The following DZIP3 variants were observed in gnomAD, a reference collection of about 807,000 sequenced individuals.
DZIP3 encodes E3 ubiquitin-protein ligase DZIP3.
A neutral mutation model predicts 162.0 loss-of-function variants in DZIP3; 118 were observed. The observed-to-expected ratio is 0.73, with a 90% CI of 0.63 to 0.85. DZIP3 has a LOEUF of 0.85. Among genes scored for constraint, DZIP3 ranks in the 40% least tolerant of loss-of-function variants. DZIP3 has a pLI of 0.00. For missense variants in DZIP3, 1,331 were observed against 1,407.0 expected (o/e 0.95, Z 0.86); for synonymous variants, 438 against 458.6 (o/e 0.96, Z 0.57).
chr3:108,618,204 G>T (rs1941119183), intron 5 of DZIP3, among the ~76,000 whole-genome samples: 1 of 152,186 alleles, frequency 6.6e-6, no homozygotes, highest in East Asian at 1.9e-4. Context: ...GGTTAGAAAT[G>T]TACAACTTGC....
rs937649622 is a variant in DZIP3 at position 108,656,641 on chromosome 3, G to A, written c.2199+2331G>A. The stretch of plus-strand genomic sequence containing the variant: ...CACCAGCAACAGAACAAACCTGGAC[G>A]GAGAATGACTTTGACGAGTTGAGAG... On this transcript the variant is annotated intron_variant, in intron 19 of 32. Transcript: ENST00000361582. 4.3e-4 allele frequency among the ~76,000 whole-genome samples: 66 copies of A among 152,288 alleles called. 1 individual carries two copies. The highest frequency in any genetic ancestry group is 2.1e-4 in the South Asian group (1 of 4,828).
chr3:108,649,309 T>C (rs979857783), intron 17 of DZIP3, among the ~76,000 whole-genome samples: 2 of 151,914 alleles, frequency 1.3e-5, no homozygotes, highest in Admixed American at 6.6e-5. Context: ...TCTTTATTGA[T>C]ATGTTTAGAA....
chr3:108,677,336 A>AT (rs34710471), intron 25 of DZIP3, among the ~76,000 whole-genome samples, 161 bp from the exon 26 acceptor site: 51,202 of 143,822 alleles, frequency 0.36, 9,425 homozygotes, highest in East Asian at 0.52. Context: ...GGTCTATAGA[A>AT]TTTTTTTTTT....
rs772108023 is a variant in DZIP3, at chr3:108,648,122, C to G, written c.1962+10C>G. On this transcript the variant is annotated intron_variant, in intron 16 of 32. Transcript: ENST00000361582. ...TAAAGATCTCCAGGAAGTATAAGCT[C>G]TCATTAATATTTGAGTTAGAAGAAC... The G allele has an allele frequency of 6.9e-6, 11 of 1,584,716 alleles. No individual in the cohort carries two copies. The highest frequency in any genetic ancestry group is 2.7e-5 in the African/African-American group (2 of 72,912).
intron 1 of DZIP3, among the ~76,000 whole-genome samples, chr3:108,601,383 G>A (rs1390811084): frequency 6.6e-6 from 1 of 152,178 alleles, no homozygotes; most frequent in East Asian, 1.9e-4. Context: ...ATCCAGGCTG[G>A]AATGTCAGTA....
chr3:108,691,149 C>T (rs1166914676), intron 32 of DZIP3: 6 of 308,144 alleles, frequency 1.9e-5, no homozygotes, highest in Non-Finnish European at 3.0e-5. Flanking sequence ...GTAGTGGAAA[C>T]ATAACTGTTA....
At chr3:108,609,712 A>G (rs1408116944) in intron 3 of DZIP3, among the ~76,000 whole-genome samples, 2 of 152,096 alleles carry the variant, frequency 1.3e-5, no homozygotes, top group African/African-American at 4.8e-5. Context: ...GTGGTGGTGC[A>G]TGCCTGTATT....
At position 108,644,693 on chromosome 3, in the gene DZIP3, T is replaced by C; in HGVS notation, c.1671T>C (p.Asn557=). 1 of 1,613,520 alleles carries C rather than the reference T, an allele frequency of 6.2e-7. No homozygotes were observed. The highest frequency in any genetic ancestry group is 8.5e-7 in the Non-Finnish European group (1 of 1,179,862). Residue 557 remains asparagine, a synonymous_variant, in exon 14 of 33, where the codon AAT becomes AAC. Transcript: ENST00000361582. The part of the protein sequence containing the change: ...IDKVKENPIE[N]ISLDYHQLSV... The stretch of plus-strand genomic sequence containing the variant: ...AAGTGAAGGAGAATCCCATTGAGAA[T>C]ATCTCCCTTGATTACCATCAGCTAT...
chr3:108,663,859 G>A (rs545449243), intron 21 of DZIP3, among the ~76,000 whole-genome samples: 1 of 152,280 alleles, frequency 6.6e-6, no homozygotes, highest in East Asian at 1.9e-4. Flanking sequence ...TACTATATTA[G>A]AAAACTTATG....
chr3:108,684,327 C>T lies in DZIP3; in HGVS notation c.2995C>T (p.Pro999Ser). The change falls in exon 27 of 33, where the codon CCT (proline) becomes TCT (serine). Residue 999 changes from proline to serine, a missense_variant. Coordinates refer to ENST00000361582, the MANE Select transcript of DZIP3 (RefSeq NM_014648.4). ...GGGAGTCGTCTCTGCAACTGGCCAA[C>T]CTAGAGCCCCCCTGGTAAAAGCTTT... The part of the protein sequence containing the change: ...CPGVVSATGQ[P>S]RAPLMTGIAW... 1 of 1,611,678 alleles carries T rather than the reference C, an allele frequency of 6.2e-7. No individual in the cohort carries two copies. Among genetic ancestry groups the T allele is most frequent in the Non-Finnish European group, 8.5e-7 (1 of 1,178,978 alleles).
chr3:108,649,597 T>C (rs891691103), intron 17 of DZIP3, among the ~76,000 whole-genome samples: 3 of 151,954 alleles, frequency 2.0e-5, no homozygotes, highest in African/African-American at 7.2e-5. Context: ...AAAAAAATTG[T>C]TTTCTAGCCT....
At chr3:108,644,814 C>T in intron 14 of DZIP3, 33 bp downstream of exon 14, 1 of 1,568,130 alleles carries the variant, frequency 6.4e-7, no homozygotes, top group Non-Finnish European at 8.7e-7. Flanking sequence ...AGCCAATAAA[C>T]TTCCATTGAT....
intron 8 of DZIP3, among the ~76,000 whole-genome samples, chr3:108,630,003 T>G (rs965273466): frequency 6.6e-6 from 1 of 152,076 alleles, no homozygotes; most frequent in African/African-American, 2.4e-5. Flanking sequence ...GTCATTTCAT[T>G]AGAATAAATT....
chr3:108,659,003 C>T (rs985234587), intron 19 of DZIP3, among the ~76,000 whole-genome samples: 5 of 152,080 alleles, frequency 3.3e-5, no homozygotes, highest in Non-Finnish European at 5.9e-5. Flanking sequence ...TAATTAATAG[C>T]TTACCAACCA....
intron 1 of DZIP3, among the ~76,000 whole-genome samples, chr3:108,591,531 G>A (rs550827048): frequency 6.6e-6 from 1 of 152,344 alleles, no homozygotes; most frequent in African/African-American, 2.4e-5. Context: ...ATTCTCTTCT[G>A]TAATTAATAT....
chr3:108,622,836 GTCTCTCTCTC>G lies in DZIP3; in HGVS notation c.376-1572_376-1563del, dbSNP rs368466391. Among the ~76,000 whole-genome samples the G allele has an allele frequency of 5.3e-3, 331 of 62,826 alleles. 2 individuals are homozygous for G. The highest frequency in any genetic ancestry group is 8.5e-3 in the South Asian group (12 of 1,404). The allele number at this position is 62,826 out of a possible 152,430, so 41.2% of individuals were successfully genotyped here. A position where few individuals can be genotyped will look rare whatever the true frequency, so the allele number is the denominator to read the frequency against. On this transcript the variant is annotated intron_variant, in intron 5 of 32. Transcript: ENST00000361582. ...TCTTCCTTTACCCCAAACAAACAGA[GTCTCTCTCTC>G]TCTCTCTCTCTCTCTCTCTCTCTCT...
chr3:108,610,417 A>G lies in DZIP3; in HGVS notation c.103-757A>G, dbSNP rs140229328. ...TTGAGATTAGACAGATAGTCCTGCA[A>G]TGGACTTTATTGGTTTCTACTTACT... is the stretch of plus-strand genomic sequence containing the variant. On this transcript the variant is annotated intron_variant, in intron 3 of 32. Transcript: ENST00000361582. 1.3e-3 allele frequency among the ~76,000 whole-genome samples: 195 copies of G among 152,322 alleles called. 1 individual carries two copies. In the Middle Eastern group the frequency reaches 0.014, roughly 11 times the overall value.
chr3:108,610,560 C>G (rs1940646663), intron 3 of DZIP3, among the ~76,000 whole-genome samples: 1 of 152,176 alleles, frequency 6.6e-6, no homozygotes, highest in African/African-American at 2.4e-5. Context: ...TTTCAGAGAT[C>G]AACAGCAACA....
At chr3:108,690,069 C>T (rs1277337182) in intron 31 of DZIP3, among the ~76,000 whole-genome samples, 2 of 152,190 alleles carry the variant, frequency 1.3e-5, no homozygotes, top group African/African-American at 4.8e-5. Context: ...TTATAAGGTT[C>T]TGACAATTTA....
Sources: allele counts gnomAD v4.1 joint callset (sites outside exome capture counted in the v4.1 genomes callset), GRCh38; gene constraint gnomAD v4.1.1; transcripts MANE v1.5; gene names NCBI Gene and HGNC (gene_info 2026-07-23, HGNC 2026-07-21).